BST1: variants seen among roughly 807,000 people sequenced by gnomAD.
The protein encoded by BST1 is ADP-ribosyl cyclase/cyclic ADP-ribose hydrolase 2.
Under a neutral mutation model 40.6 loss-of-function variants are expected in BST1, and 49 were observed. The ratio of observed to expected loss-of-function variants is 1.21; its 90% CI spans 0.96 to 1.53. The LOEUF (loss-of-function observed/expected upper bound fraction) is 1.53. BST1 is among the 40% of genes most tolerant of loss of function. The pLI is 0.00. For synonymous variants in BST1, 157 were observed against 159.3 expected (o/e 0.99, Z 0.11); for missense variants, 423 against 395.9 (o/e 1.07, Z -0.58).
At chr4:15,739,054 C>T (rs1721669524), downstream of BST1, among the ~76,000 whole-genome samples, 1 of 152,222 alleles carries the variant, frequency 6.6e-6, no homozygotes, top group African/African-American at 2.4e-5. Context: ...AAACCCAGAA[C>T]TCAGCCTTAC....
At chr4:15,738,620 T>C (rs1721651661), downstream of BST1, among the ~76,000 whole-genome samples, 1 of 152,248 alleles carries the variant, frequency 6.6e-6, no homozygotes, top group Non-Finnish European at 1.5e-5. Flanking sequence ...GAAGTGGGAA[T>C]GACCACACGT....
chr4:15,728,652 T>C (rs995544586), intron 8 of BST1, among the ~76,000 whole-genome samples: 14 of 149,180 alleles, frequency 9.4e-5, no homozygotes, highest in African/African-American at 3.4e-4. Flanking sequence ...CCTTTTTTTT[T>C]TTTTTTTTTT....
At chr4:15,731,636 G>A in intron 8 of BST1, 104 bp from the exon 9 acceptor site, 2 of 1,436,466 alleles carry the variant, frequency 1.4e-6, no homozygotes, top group Admixed American at 2.0e-5. Context: ...ATGGCTTCTC[G>A]CTCCGCGCTA....
chr4:15,755,132 C>T, the BST1 span, among the ~76,000 whole-genome samples: 9 of 151,970 alleles, frequency 5.9e-5, no homozygotes, highest in South Asian at 1.9e-3. Flanking sequence ...ATCAGTTTCT[C>T]TTTTTTTTAT....
chr4:15,736,152 A>AT, downstream of BST1: 1 of 1,281,544 alleles, frequency 7.8e-7, no homozygotes, highest in South Asian at 1.2e-5. Context: ...GGTTTCAAAC[A>AT]TATCATTGCC....
At chr4:15,723,193 T>C (rs77989247) in intron 8 of BST1, among the ~76,000 whole-genome samples, 2,085 of 152,324 alleles carry the variant, frequency 0.014, 25 homozygotes, top group Middle Eastern at 0.045. Context: ...TGTTCATACT[T>C]CTGTCCTAGT....
the BST1 span, among the ~76,000 whole-genome samples, chr4:15,772,619 G>C: frequency 6.6e-6 from 1 of 152,198 alleles, no homozygotes; most frequent in Non-Finnish European, 1.5e-5. Context: ...CCTCTGAGAT[G>C]GGTATTGTCT....
rs1299649150 is a variant in BST1, at chr4:15,725,953, T to C, written c.851+3019T>C. Among the ~76,000 whole-genome samples, 6 of 112,640 alleles carry C rather than the reference T, an allele frequency of 5.3e-5. No homozygotes were observed. The East Asian group carries it at 2.4e-3, about 45-fold the overall frequency. The allele number at this position is 112,640 out of a possible 152,430, so 73.9% of individuals were successfully genotyped here. ...CCTACTTGTGAAGTGCGGTCTTTTTTTTTTTTTTTTTTTTTTTTTGAGACG... is the reference window on the plus strand; with the variant it reads ...CCTACTTGTGAAGTGCGGTCTTTTTCTTTTTTTTTTTTTTTTTTTGAGACG... On this transcript the variant is annotated intron_variant, in intron 8 of 8. Transcript: ENST00000265016.
rs1721429324 is a variant in BST1 at position 15,732,748 on chromosome 4, T to A, written c.*903T>A. On this transcript the variant is annotated 3_prime_UTR_variant, in exon 9 of 9. Coordinates refer to ENST00000265016, the MANE Select transcript of BST1 (RefSeq NM_004334.3). ...AAGAACTGCCCGAGACTGGGTAATT[T>A]ACAAAAATAAAAATAAAAAAGAGGT... 1 of 152,256 alleles carries A rather than the reference T, an allele frequency of 6.6e-6. No individual in the cohort carries two copies. 9.4% of individuals were successfully genotyped at this position (152,256 alleles called of 1,614,324 possible). A position where few individuals can be genotyped will look rare whatever the true frequency, so the allele number is the denominator to read the frequency against.
downstream of BST1, among the ~76,000 whole-genome samples, chr4:15,737,276 A>G (rs963467176): frequency 2.6e-5 from 4 of 152,250 alleles, no homozygotes; most frequent in Non-Finnish European, 4.4e-5. Context: ...TCTGCAGATC[A>G]GAAGTTACTG....
intron 8 of BST1, among the ~76,000 whole-genome samples, chr4:15,725,615 G>A (rs936205235): frequency 5.3e-5 from 8 of 152,024 alleles, no homozygotes; most frequent in Admixed American, 1.3e-4. Flanking sequence ...TTCCAGACAC[G>A]TCACCCACAG....
At chr4:15,769,065 T>C in the BST1 span, among the ~76,000 whole-genome samples, 2 of 152,136 alleles carry the variant, frequency 1.3e-5, no homozygotes, top group Admixed American at 6.5e-5. Context: ...TTAGCAATTA[T>C]TGTTGAAAGA....
At chr4:15,739,419 A>G (rs1721682858), downstream of BST1, among the ~76,000 whole-genome samples, 1 of 152,176 alleles carries the variant, frequency 6.6e-6, no homozygotes, top group Non-Finnish European at 1.5e-5. Flanking sequence ...AAGCACATGT[A>G]TTCTTTGTTA....
chr4:15,763,778 G>T, the BST1 span, among the ~76,000 whole-genome samples: 1 of 151,930 alleles, frequency 6.6e-6, no homozygotes, highest in Non-Finnish European at 1.5e-5. Context: ...AGACATAAAG[G>T]AACCTTAAAT....
intron 3 of BST1, among the ~76,000 whole-genome samples, chr4:15,710,876 G>A (rs374444995): frequency 1.3e-5 from 2 of 151,440 alleles, no homozygotes; most frequent in East Asian, 1.9e-4. Context: ...TGCAGCATTC[G>A]CCCCCCAGGT....
At chr4:15,712,465 T>C (rs575405818) in intron 4 of BST1, among the ~76,000 whole-genome samples, 4 of 152,074 alleles carry the variant, frequency 2.6e-5, no homozygotes, top group Non-Finnish European at 5.9e-5. Flanking sequence ...AGAATTAGAA[T>C]AGAGATTACA....
At chr4:15,745,967 T>C in the BST1 span, among the ~76,000 whole-genome samples, 12,235 of 152,308 alleles carry the variant, frequency 0.08, 795 homozygotes, top group African/African-American at 0.17. Flanking sequence ...TAAGGTTCTT[T>C]TAGACTACAT....
chr4:15,741,385 G>C (rs1721738076), downstream of BST1, among the ~76,000 whole-genome samples: 1 of 152,140 alleles, frequency 6.6e-6, no homozygotes, highest in Non-Finnish European at 1.5e-5. Flanking sequence ...AGGGAGGAAG[G>C]GTAGGAAGAG....
chr4:15,717,816 G>A (rs73121382), intron 6 of BST1, among the ~76,000 whole-genome samples: 13,720 of 152,208 alleles, frequency 0.09, 1,227 homozygotes, highest in African/African-American at 0.22. Flanking sequence ...CTAGCTGACT[G>A]CATGGAGACA....
Sources: allele counts gnomAD v4.1 joint callset (sites outside exome capture counted in the v4.1 genomes callset), GRCh38; gene constraint gnomAD v4.1.1; transcripts MANE v1.5; gene names NCBI Gene and HGNC (gene_info 2026-07-23, HGNC 2026-07-21).